The following PXDNL variants were observed in gnomAD, a reference collection of about 807,000 sequenced individuals.
The protein encoded by PXDNL is peroxidasin like.
A neutral mutation model predicts 150.8 loss-of-function variants in PXDNL; 145 were observed. The observed-to-expected ratio is 0.96, with a 90% CI of 0.84 to 1.10. The LOEUF is 1.10. Among genes scored for constraint, PXDNL ranks in the 50% least tolerant of loss-of-function variants. PXDNL has a pLI of 0.00. For synonymous variants in PXDNL, 757 were observed against 725.7 expected (o/e 1.04, Z -0.69); for missense variants, 2,087 against 1,873.9 (o/e 1.11, Z -2.10).
At chr8:51,495,376 A>G (rs75422920) in intron 5 of PXDNL, among the ~76,000 whole-genome samples, 47,860 of 150,990 alleles carry the variant, frequency 0.32, 8,297 homozygotes, top group African/African-American at 0.46. Flanking sequence ...AAGAACTAGA[A>G]AAGCAAGAGC....
intron 8 of PXDNL, among the ~76,000 whole-genome samples, chr8:51,463,610 C>A (rs1810131372): frequency 6.6e-6 from 1 of 152,136 alleles, no homozygotes; most frequent in Non-Finnish European, 1.5e-5. Flanking sequence ...ACTTGACCAA[C>A]CAGACTTGAT....
In PXDNL at chr8:51,409,319, G is replaced by A; in HGVS notation, c.2305C>T (p.Leu769Phe). Reference protein sequence around the residue: ...DGIRAPRGLGLPVGSRQPLPP... With the variant: ...DGIRAPRGLGFPVGSRQPLPP... ...AGGGGCTGGCGGGAGCCCACAGGAA[G>A]GCCGAGCCCGCGGGGCGCGCGGATG... Residue 769 changes from leucine to phenylalanine, a missense_variant, in exon 17 of 23, where the codon CTT (leucine) becomes TTT (phenylalanine). By Grantham distance (22) the Leu-to-Phe change is conservative (BLOSUM62 0). Transcript: ENST00000356297. The A allele has an allele frequency of 7.0e-7, 1 of 1,426,208 alleles. No homozygotes were observed. The allele number at this position is 1,426,208 out of a possible 1,614,324, so 88.3% of individuals were successfully genotyped here.
At chr8:51,732,756 C>T (rs756579929) in intron 1 of PXDNL, among the ~76,000 whole-genome samples, 1 of 152,110 alleles carries the variant, frequency 6.6e-6, no homozygotes, top group Non-Finnish European at 1.5e-5. Context: ...GGCAAGAGAG[C>T]GTGTGTAGGG....
chr8:51,606,802 T>A (rs1813845307), intron 2 of PXDNL, among the ~76,000 whole-genome samples: 1 of 152,064 alleles, frequency 6.6e-6, no homozygotes, highest in African/African-American at 2.4e-5. Flanking sequence ...TATTTTCACA[T>A]GTCTTTGCAA....
intron 6 of PXDNL, among the ~76,000 whole-genome samples, chr8:51,476,307 T>A (rs937233939): frequency 6.6e-6 from 1 of 152,222 alleles, no homozygotes; most frequent in Non-Finnish European, 1.5e-5. Flanking sequence ...TTGGCTTTTT[T>A]CTTTTGTAAA....
intron 3 of PXDNL, among the ~76,000 whole-genome samples, chr8:51,562,419 A>G (rs976231016): frequency 6.6e-6 from 1 of 152,002 alleles, no homozygotes; most frequent in Non-Finnish European, 1.5e-5. Context: ...AGCCCCAATA[A>G]TAACTTATAC....
chr8:51,447,227 T>C lies in PXDNL; in HGVS notation c.1367-65A>G, dbSNP rs914336277. On this transcript the variant is annotated intron_variant, in intron 11 of 22. Transcript: ENST00000356297. The stretch of plus-strand genomic sequence containing the variant: ...AGCACTGAAAGCCAGAGCTGCTGGC[T>C]GTCCTGGCTAAAGGGTGAGGCCTGT... 11 of 1,542,520 alleles carry C rather than the reference T, an allele frequency of 7.1e-6. No homozygotes were observed. In the Admixed American group the frequency reaches 1.9e-4, roughly 27 times the overall value.
chr8:51,579,953 T>C (rs1813167079), intron 3 of PXDNL, among the ~76,000 whole-genome samples: 1 of 151,746 alleles, frequency 6.6e-6, no homozygotes, highest in African/African-American at 2.4e-5. Flanking sequence ...CATGTATACA[T>C]ATGTAACAAA....
At chr8:51,748,302 A>C (rs549118205) in intron 1 of PXDNL, among the ~76,000 whole-genome samples, 12 of 152,304 alleles carry the variant, frequency 7.9e-5, no homozygotes, top group Non-Finnish European at 8.8e-5. Flanking sequence ...AGGTGAACTG[A>C]ATAAGTTCGA....
chr8:51,386,642 C>T (rs927469850), intron 17 of PXDNL, among the ~76,000 whole-genome samples: 1 of 151,622 alleles, frequency 6.6e-6, no homozygotes, highest in Non-Finnish European at 1.5e-5. Flanking sequence ...TAGATGGAAA[C>T]GTCGTCTCTA....
At position 51,409,072 on chromosome 8, in the gene PXDNL, T is replaced by C. The variant is rs1284507255; in HGVS notation, c.2552A>G (p.Asp851Gly). The change falls in exon 17 of 23, where the codon GAC becomes GGC. Residue 851 changes from aspartate to glycine, a missense_variant. Coordinates refer to ENST00000356297, the MANE Select transcript of PXDNL (RefSeq NM_144651.5). ...GCAGGGCGCGTGGGTGCCCCGGGGG[T>C]CGGCGTGCCGGGTGTTCATGGGGAA... ...PCFPMNTRHA[D>G]PRGTHAPCML... 6 of 1,608,716 alleles carry C rather than the reference T, an allele frequency of 3.7e-6. No individual in the cohort carries two copies. The highest frequency in any genetic ancestry group is 5.1e-6 in the Non-Finnish European group (6 of 1,179,254).
chr8:51,777,240 G>A (rs750680540), intron 1 of PXDNL, among the ~76,000 whole-genome samples: 2 of 152,122 alleles, frequency 1.3e-5, no homozygotes, highest in Admixed American at 6.5e-5. Flanking sequence ...GTGGCAAGTC[G>A]CTTAATGCCT....
chr8:51,387,170 C>A (rs1002471932), intron 17 of PXDNL, among the ~76,000 whole-genome samples: 2 of 152,174 alleles, frequency 1.3e-5, no homozygotes, highest in African/African-American at 4.8e-5. Flanking sequence ...TAATTACCAC[C>A]CACTCTTACA....
At chr8:51,736,420 C>T (rs2130944441) in intron 1 of PXDNL, among the ~76,000 whole-genome samples, 1 of 152,324 alleles carries the variant, frequency 6.6e-6, no homozygotes, top group Admixed American at 6.5e-5. Flanking sequence ...ACTTGCTAGG[C>T]AGGCTCCAGA....
chr8:51,688,883 C>T (rs965880688), intron 1 of PXDNL, among the ~76,000 whole-genome samples: 1 of 152,240 alleles, frequency 6.6e-6, no homozygotes, highest in African/African-American at 2.4e-5. Context: ...CCAGGAACAG[C>T]ACCATCTTTA....
At chr8:51,505,719 G>T (rs866294406) in intron 4 of PXDNL, among the ~76,000 whole-genome samples, 1 of 152,142 alleles carries the variant, frequency 6.6e-6, no homozygotes, top group African/African-American at 2.4e-5. Context: ...CAATACAGGG[G>T]ATCTTGAATA....
intron 3 of PXDNL, among the ~76,000 whole-genome samples, chr8:51,570,265 T>C (rs28630666): frequency 0.21 from 32,271 of 151,798 alleles, 3,738 homozygotes; most frequent in African/African-American, 0.29. Context: ...TGGGTTCCAC[T>C]AGGTAAAGCT....
At chr8:51,359,479 A>C (rs1158485702) in intron 19 of PXDNL, among the ~76,000 whole-genome samples, 2 of 152,174 alleles carry the variant, frequency 1.3e-5, no homozygotes, top group Non-Finnish European at 2.9e-5. Flanking sequence ...TTTAGCAAAA[A>C]TATAAAAGAG....
chr8:51,577,914 AAAAGAAAGAAAAGAAAGAAAGAAAGAAAG>A (rs1387567058), intron 3 of PXDNL, among the ~76,000 whole-genome samples: 24 of 117,708 alleles, frequency 2.0e-4, no homozygotes, highest in Middle Eastern at 4.2e-3. Context: ...AAAGAGAAAG[AAAAGAAAGAAAAGAAAGAAAGAAAGAAAG>A]AAAGAAAGAA....
Sources: allele counts gnomAD v4.1 joint callset (sites outside exome capture counted in the v4.1 genomes callset), GRCh38; gene constraint gnomAD v4.1.1; transcripts MANE v1.5; gene names NCBI Gene and HGNC (gene_info 2026-07-23, HGNC 2026-07-21).